Variants in TXNRD1 observed in about 807,000 individuals in gnomAD.
TXNRD1 encodes the protein thioredoxin reductase 1, cytoplasmic.
A neutral mutation model predicts 80.3 loss-of-function variants in TXNRD1; 57 were observed. The ratio of observed to expected loss-of-function variants is 0.71; its 90% confidence interval spans 0.57 to 0.89. The LOEUF (loss-of-function observed/expected upper bound fraction) is 0.89. Ranked by LOEUF, TXNRD1 falls within the 40% of genes least tolerant of loss-of-function variation. The probability of loss-of-function intolerance (pLI) is 0.00; values close to 1 mark genes in which losing one functional copy is unlikely to be tolerated. For synonymous variants in TXNRD1, 291 were observed against 285.2 expected (o/e 1.02, Z -0.20); for missense variants, 730 against 803.0 (o/e 0.91, Z 1.10).
intron 15 of TXNRD1, among the ~76,000 whole-genome samples, chr12:104,335,196 A>C (rs972028905): frequency 2.5e-5 from 3 of 120,818 alleles, no homozygotes; most frequent in African/African-American, 9.7e-5. Flanking sequence ...AATATATTAC[A>C]GTCCTTTTTT....
intron 4 of TXNRD1, among the ~76,000 whole-genome samples, chr12:104,294,367 A>G (rs1006487514): frequency 6.6e-6 from 1 of 151,864 alleles, no homozygotes; most frequent in Non-Finnish European, 1.5e-5. Flanking sequence ...CGCTAGACCA[A>G]GGAGCCCTCC....
At chr12:104,343,843 C>T (rs927227389) in intron 16 of TXNRD1, among the ~76,000 whole-genome samples, 1 of 151,300 alleles carries the variant, frequency 6.6e-6, no homozygotes, top group Non-Finnish European at 1.5e-5. Flanking sequence ...GTGGCTCACG[C>T]CTGTAATCCC....
chr12:104,293,712 C>T (rs906838133), intron 4 of TXNRD1, among the ~76,000 whole-genome samples: 3 of 151,900 alleles, frequency 2.0e-5, no homozygotes, highest in Non-Finnish European at 4.4e-5. Context: ...TGTGCGGCGA[C>T]GAGAGAGTGT....
intron 4 of TXNRD1, chr12:104,291,225 A>T: frequency 2.2e-6 from 1 of 461,252 alleles, no homozygotes; most frequent in Admixed American, 4.4e-5. Context: ...TTTTGAGACA[A>T]AGTCTCGCTC....
intron 10 of TXNRD1, among the ~76,000 whole-genome samples, chr12:104,324,800 C>G (rs2035697890): frequency 6.6e-6 from 1 of 152,202 alleles, no homozygotes; most frequent in African/African-American, 2.4e-5. Context: ...AAAACACCCC[C>G]TGGTTCTGAT....
At chr12:104,244,277 T>C (rs978583923) in intron 1 of TXNRD1, among the ~76,000 whole-genome samples, 3 of 152,214 alleles carry the variant, frequency 2.0e-5, no homozygotes, top group African/African-American at 7.2e-5. Flanking sequence ...AAGATGTTTC[T>C]TGAGGAGGAG....
In TXNRD1 at chr12:104,349,213, G is replaced by C. The variant is rs1180457883; in HGVS notation, c.*792G>C. On this transcript the variant is annotated 3_prime_UTR_variant, in exon 17 of 17. Transcript: ENST00000525566. The stretch of plus-strand genomic sequence containing the variant: ...GGAGGCAGACATACACCAGAAATGG[G>C]GGAGAAACAGTACATATCTTTCTGT... 2 of 152,178 alleles carry C rather than the reference G, an allele frequency of 1.3e-5. No individual in the cohort carries two copies. The highest frequency in any genetic ancestry group is 2.9e-5 in the Non-Finnish European group (2 of 68,034). 9.4% of individuals were successfully genotyped at this position (152,178 alleles called of 1,614,324 possible). A position where few individuals can be genotyped will look rare whatever the true frequency, so the allele number is the denominator to read the frequency against.
At position 104,305,017 on chromosome 12, in the gene TXNRD1, G is replaced by A. The variant is rs189094565; in HGVS notation, c.415-6273G>A. 2,086 of 1,359,402 alleles carry A rather than the reference G, an allele frequency of 1.5e-3. 24 individuals are homozygous for A. The highest frequency in any genetic ancestry group is 0.012 in the East Asian group (494 of 41,962). 84.2% of individuals were successfully genotyped at this position (1,359,402 alleles called of 1,614,324 possible). On this transcript the variant is annotated intron_variant, in intron 4 of 16. Coordinates refer to ENST00000525566, the MANE Select transcript of TXNRD1 (RefSeq NM_001093771.3). ...TAAAATGTAAACTGAAGCACATATT[G>A]TATCTCTTGTAAAGTGAAAAAGTAT...
At chr12:104,239,371 T>C (rs2032810206) in intron 1 of TXNRD1, among the ~76,000 whole-genome samples, 1 of 152,042 alleles carries the variant, frequency 6.6e-6, no homozygotes, top group Admixed American at 6.6e-5. Flanking sequence ...TTTTTTGTCT[T>C]TTTAGTAGAG....
At chr12:104,279,846 C>A (rs781769644) in intron 3 of TXNRD1, among the ~76,000 whole-genome samples, 2 of 151,952 alleles carry the variant, frequency 1.3e-5, no homozygotes, top group Non-Finnish European at 2.9e-5. Context: ...GGGTGGATCA[C>A]GAAGTCAGGA....
chr12:104,238,230 G>A (rs1056063002), intron 1 of TXNRD1, among the ~76,000 whole-genome samples: 4 of 152,012 alleles, frequency 2.6e-5, no homozygotes, highest in African/African-American at 9.7e-5. Context: ...CTCAAAAGAC[G>A]GTTTATAATC....
intron 4 of TXNRD1, among the ~76,000 whole-genome samples, chr12:104,297,091 G>T (rs1018460287): frequency 6.6e-6 from 1 of 151,936 alleles, no homozygotes; most frequent in Non-Finnish European, 1.5e-5. Context: ...ATCACTTGAG[G>T]TCAGGAGTTT....
At chr12:104,329,930 G>GT (rs1012709715) in intron 13 of TXNRD1, among the ~76,000 whole-genome samples, 6 of 152,278 alleles carry the variant, frequency 3.9e-5, no homozygotes, top group African/African-American at 1.4e-4. Context: ...CATCTCATTT[G>GT]TTTCCCTTCC....
chr12:104,327,394 C>A (rs994358309), intron 12 of TXNRD1, 121 bp from the exon 13 acceptor site: 4 of 924,464 alleles, frequency 4.3e-6, no homozygotes, highest in Non-Finnish European at 4.8e-6. Flanking sequence ...ATTTTTAACA[C>A]ATTAGAACAT....
intron 1 of TXNRD1, among the ~76,000 whole-genome samples, chr12:104,245,487 A>C (rs1364749707): frequency 1.7e-5 from 2 of 119,730 alleles, no homozygotes; most frequent in Non-Finnish European, 3.3e-5. Flanking sequence ...ATTGCACTCC[A>C]GCCTGGGCAA....
At chr12:104,326,867 G>A (rs1215646898) in intron 12 of TXNRD1, among the ~76,000 whole-genome samples, 6 of 151,570 alleles carry the variant, frequency 4.0e-5, no homozygotes, top group East Asian at 3.9e-4. Context: ...ACAGAGTCTC[G>A]CTCTGTCACC....
At position 104,267,484 on chromosome 12, in the gene TXNRD1, C is replaced by T. The variant is rs115443061; in HGVS notation, c.304+9405C>T. On this transcript the variant is annotated intron_variant, in intron 3 of 16. Transcript: ENST00000525566. ...GTAGAGCTGGAGTCTCATGAGCCAC[C>T]ATGCCCAGCCTGCCTTACTTCTTCC... 2.1e-3 allele frequency among the ~76,000 whole-genome samples: 320 copies of T among 151,742 alleles called. 5 individuals carry two copies. Among genetic ancestry groups the T allele is most frequent in the African/African-American group, 7.5e-3 (310 of 41,412 alleles).
chr12:104,343,761 A>G lies in TXNRD1; in HGVS notation c.1881+4488A>G, dbSNP rs555282601. The stretch of plus-strand genomic sequence containing the variant: ...GGTTGTACTGAGCCAAGATCACGCC[A>G]CTGCACTCCAGCCTGGGCGACAGTG... On this transcript the variant is annotated intron_variant, in intron 16 of 16. Coordinates refer to ENST00000525566, the MANE Select transcript of TXNRD1 (RefSeq NM_001093771.3). 1.1e-4 allele frequency among the ~76,000 whole-genome samples: 17 copies of G among 152,034 alleles called. 1 individual carries two copies. The South Asian group carries it at 3.3e-3, about 30-fold the overall frequency.
intron 2 of TXNRD1, among the ~76,000 whole-genome samples, chr12:104,254,751 C>CTATGATTGAAGTTAA (rs61049241): frequency 1.3e-5 from 2 of 150,116 alleles, no homozygotes; most frequent in Non-Finnish European, 3.0e-5. Flanking sequence ...TTAAAGGTTA[C>CTATGATTGAAGTTAA]AGTGAGCTAT....
Sources: gnomAD v4.1 joint callset for allele counts (sites outside exome capture counted in the v4.1 genomes callset) on GRCh38, gnomAD v4.1.1 for gene constraint, MANE v1.5 for transcripts, NCBI Gene and HGNC (gene_info 2026-07-23, HGNC 2026-07-21) for gene names.